Variants in TMEM182 observed in about 807,000 individuals in gnomAD.
TMEM182 encodes the protein transmembrane protein 182.
A neutral mutation model predicts 26.8 loss-of-function variants in TMEM182; 20 were observed. The ratio of observed to expected loss-of-function variants is 0.75; its 90% CI spans 0.53 to 1.09. The LOEUF (loss-of-function observed/expected upper bound fraction) is 1.09. Among genes scored for constraint, TMEM182 ranks in the 50% least tolerant of loss-of-function variants. The pLI is 0.00. For synonymous variants in TMEM182, 109 were observed against 102.2 expected (o/e 1.07, Z -0.40); for missense variants, 277 against 275.5 (o/e 1.01, Z -0.04).
rs578256917 is a variant in TMEM182 at position 102,823,328 on chromosome 2, C to T, written c.326-20084C>T. On this transcript the variant is annotated intron_variant, in intron 3 of 3. Coordinates refer to the TMEM182 transcript ENST00000486293. ...TCAACACTAGATTCAAGAGTTCTTC[C>T]TTTATTTTTTATTTTTATTTTTTTG... is the stretch of plus-strand genomic sequence containing the variant. Among the ~76,000 whole-genome samples, 17 of 152,030 alleles carry T rather than the reference C, an allele frequency of 1.1e-4. No individual in the cohort carries two copies. In the East Asian group the frequency reaches 3.3e-3, roughly 29 times the overall value.
chr2:102,765,839 C>G (rs1292631958), intron 3 of TMEM182, among the ~76,000 whole-genome samples: 1 of 152,098 alleles, frequency 6.6e-6, no homozygotes, highest in African/African-American at 2.4e-5. Flanking sequence ...ATGCTCCTTC[C>G]CATTAAAAAC....
At chr2:102,757,315 A>G (rs1484283926), upstream of TMEM182, 1 of 152,188 alleles carries the variant, frequency 6.6e-6, no homozygotes, top group East Asian at 1.9e-4. Context: ...CATTTAGGAA[A>G]TTAACATTGT....
At chr2:102,759,815 A>G (rs533149097), upstream of TMEM182, among the ~76,000 whole-genome samples, 30 of 152,232 alleles carry the variant, frequency 2.0e-4, no homozygotes, top group African/African-American at 5.5e-4. Context: ...GATGCACTCT[A>G]TATTCCTTGG....
chr2:102,800,486 A>G (rs1682072603), intron 4 of TMEM182, among the ~76,000 whole-genome samples: 2 of 152,180 alleles, frequency 1.3e-5, no homozygotes, highest in Middle Eastern at 3.4e-3. Context: ...CCATATCCTT[A>G]TATCCCTTAA....
intron 3 of TMEM182, among the ~76,000 whole-genome samples, chr2:102,789,713 A>T (rs571136909): frequency 6.6e-6 from 1 of 152,178 alleles, no homozygotes; most frequent in Admixed American, 6.5e-5. Flanking sequence ...CTCTGATACC[A>T]GTTGGATTGG....
chr2:102,780,276 T>C (rs562549226), intron 3 of TMEM182, among the ~76,000 whole-genome samples: 1 of 152,318 alleles, frequency 6.6e-6, no homozygotes, highest in East Asian at 1.9e-4. Flanking sequence ...CTTCCTTTCA[T>C]ACTACCCCAG....
chr2:102,753,547 A>C (rs1455688461), intron 1 of TMEM182, among the ~76,000 whole-genome samples: 2 of 152,086 alleles, frequency 1.3e-5, no homozygotes, highest in African/African-American at 4.8e-5. Context: ...ATTTTTTAAA[A>C]AAAAATTGAG....
intron 1 of TMEM182, among the ~76,000 whole-genome samples, chr2:102,750,456 T>C (rs1194953345): frequency 2.6e-5 from 4 of 152,210 alleles, no homozygotes; most frequent in Non-Finnish European, 4.4e-5. Context: ...GAGTCTTCCT[T>C]AAAGCAAACG....
At chr2:102,757,957 T>C (rs1391354920), upstream of TMEM182, among the ~76,000 whole-genome samples, 1 of 152,176 alleles carries the variant, frequency 6.6e-6, no homozygotes, top group Non-Finnish European at 1.5e-5. Context: ...CTCACTATCA[T>C]GAGAGCAGCA....
chr2:102,738,603 A>G (rs1290450939), intron 1 of TMEM182, among the ~76,000 whole-genome samples: 3 of 152,094 alleles, frequency 2.0e-5, no homozygotes, highest in Admixed American at 1.3e-4. Flanking sequence ...AATAATAATA[A>G]TAAAAGATTT....
intron 3 of TMEM182, among the ~76,000 whole-genome samples, chr2:102,790,630 G>T (rs114508684): frequency 1.9e-3 from 283 of 152,230 alleles, no homozygotes; most frequent in African/African-American, 6.2e-3. Flanking sequence ...GGCCTTCATT[G>T]TCCTGTAGTT....
At chr2:102,776,254 G>T (rs1680910803) in intron 3 of TMEM182, among the ~76,000 whole-genome samples, 1 of 152,130 alleles carries the variant, frequency 6.6e-6, no homozygotes, top group Non-Finnish European at 1.5e-5. Context: ...AGTGTGTAAT[G>T]GCATGTATCC....
upstream of TMEM182, among the ~76,000 whole-genome samples, chr2:102,761,608 C>T (rs1680214571): frequency 6.6e-6 from 1 of 152,102 alleles, no homozygotes; most frequent in African/African-American, 2.4e-5. Flanking sequence ...TGACCAAAAA[C>T]GTATTTTCTA....
chr2:102,770,987 G>C (rs988423797), intron 3 of TMEM182, among the ~76,000 whole-genome samples: 1 of 152,146 alleles, frequency 6.6e-6, no homozygotes, highest in Non-Finnish European at 1.5e-5. Flanking sequence ...TAATCTCATT[G>C]AGATACCCCC....
At chr2:102,781,638 T>C (rs573535852) in intron 3 of TMEM182, among the ~76,000 whole-genome samples, 51 of 151,974 alleles carry the variant, frequency 3.4e-4, no homozygotes, top group South Asian at 6.2e-4. Context: ...GATGGGCAGC[T>C]TGGGAGGCAG....
At chr2:102,784,983 G>A (rs1681328568) in intron 3 of TMEM182, among the ~76,000 whole-genome samples, 1 of 152,096 alleles carries the variant, frequency 6.6e-6, no homozygotes, top group Non-Finnish European at 1.5e-5. Flanking sequence ...TAGGAATGCA[G>A]CCCAGTAGGT....
chr2:102,759,520 G>A (rs1400113746), upstream of TMEM182, among the ~76,000 whole-genome samples: 2 of 152,116 alleles, frequency 1.3e-5, no homozygotes, highest in African/African-American at 4.8e-5. Flanking sequence ...ACCCTCAAAA[G>A]TCCACAATAA....
At chr2:102,758,435 A>G (rs1306365787), upstream of TMEM182, 5 of 716,368 alleles carry the variant, frequency 7.0e-6, no homozygotes, top group South Asian at 1.5e-5. Context: ...CAAATGTCCA[A>G]TTTTCTGAAG....
chr2:102,756,794 T>G (rs1246515486), intron 1 of TMEM182, among the ~76,000 whole-genome samples: 1 of 151,372 alleles, frequency 6.6e-6, no homozygotes, highest in Non-Finnish European at 1.5e-5. Flanking sequence ...CAACTCTTCT[T>G]AATTAAGCAC....
Sources: gnomAD v4.1 joint callset for allele counts (sites outside exome capture counted in the v4.1 genomes callset) on GRCh38, gnomAD v4.1.1 for gene constraint, MANE v1.5 for transcripts, NCBI Gene and HGNC (gene_info 2026-07-23, HGNC 2026-07-21) for gene names.